The following CCDC170 variants were observed in gnomAD, a reference collection of about 807,000 sequenced individuals.
CCDC170 encodes the protein coiled-coil domain-containing protein 170.
CCDC170 carries 69 observed loss-of-function variants against 72.6 expected under a neutral mutation model. The observed-to-expected ratio is 0.95, with a 90% CI of 0.78 to 1.16. The LOEUF is 1.16. CCDC170 is among the 50% of genes most tolerant of loss of function. The probability of loss-of-function intolerance (pLI) is 0.00; values close to 1 mark genes in which losing one functional copy is unlikely to be tolerated. For synonymous variants in CCDC170, 300 were observed against 303.9 expected (o/e 0.99, Z 0.13); for missense variants, 852 against 832.5 (o/e 1.02, Z -0.29).
intron 1 of CCDC170, among the ~76,000 whole-genome samples, chr6:151,521,719 C>T (rs1054577267): frequency 1.3e-5 from 2 of 152,156 alleles, no homozygotes; most frequent in Non-Finnish European, 2.9e-5. Context: ...CGTGGTGGCT[C>T]ACGCCAGTAA....
chr6:151,513,558 C>T (rs1030900973), intron 1 of CCDC170, among the ~76,000 whole-genome samples: 9 of 145,548 alleles, frequency 6.2e-5, no homozygotes, highest in South Asian at 4.4e-4. Flanking sequence ...TGCAGTAAGC[C>T]GAGATCCCAC....
chr6:151,554,369 C>G (rs1052345500), intron 5 of CCDC170, among the ~76,000 whole-genome samples: 1 of 152,166 alleles, frequency 6.6e-6, no homozygotes, highest in Non-Finnish European at 1.5e-5. Context: ...GTCAGGCAGG[C>G]CTGGATTTGC....
At chr6:151,567,990 A>AG (rs35941630) in intron 5 of CCDC170, among the ~76,000 whole-genome samples, 140,333 of 151,526 alleles carry the variant, frequency 0.93, 65,191 homozygotes, top group East Asian at 1. Flanking sequence ...ACGCACCTGT[A>AG]CCCCAGCTAC....
chr6:151,567,352 T>C (rs779905026), intron 5 of CCDC170, among the ~76,000 whole-genome samples: 2 of 152,214 alleles, frequency 1.3e-5, no homozygotes, highest in Non-Finnish European at 2.9e-5. Context: ...TGTATTCAAA[T>C]TAAACAATTG....
chr6:151,526,780 G>A (rs1301410651), intron 1 of CCDC170, among the ~76,000 whole-genome samples: 1 of 152,118 alleles, frequency 6.6e-6, no homozygotes, highest in Non-Finnish European at 1.5e-5. Context: ...AAGAGTGAAA[G>A]TTTTTCTAAG....
intron 5 of CCDC170, among the ~76,000 whole-genome samples, chr6:151,561,074 T>A (rs897044561): frequency 1.4e-4 from 22 of 152,170 alleles, no homozygotes; most frequent in Admixed American, 2.6e-4. Context: ...AATTTTTTTT[T>A]AAAATTGTGT....
Position 151,559,829 on chromosome 6 carries a change from GTTC to G in CCDC170, c.774+11346_774+11348del, listed in dbSNP as rs1176666079. ...TGTCATTTCTGATTGTGCTTCTTTGGTTCTTCTTTTTTTCTTAGTTAACTTGGC... is the reference window on the plus strand; with the variant it reads ...TGTCATTTCTGATTGTGCTTCTTTGGTTCTTTTTTTCTTAGTTAACTTGGC... On this transcript the variant is annotated intron_variant, in intron 5 of 10. Transcript: ENST00000239374. Among the ~76,000 whole-genome samples, 5 of 152,150 alleles carry G rather than the reference GTTC, an allele frequency of 3.3e-5. No homozygotes were observed. The South Asian group carries it at 6.2e-4, about 19-fold the overall frequency.
At chr6:151,505,562 C>T (rs1257016884) in intron 1 of CCDC170, among the ~76,000 whole-genome samples, 1 of 151,918 alleles carries the variant, frequency 6.6e-6, no homozygotes, top group African/African-American at 2.4e-5. Flanking sequence ...CTGGTGCCTG[C>T]AGCCCCAGCT....
intron 7 of CCDC170, among the ~76,000 whole-genome samples, chr6:151,592,778 C>T (rs1358417482): frequency 6.6e-6 from 1 of 152,158 alleles, no homozygotes; most frequent in African/African-American, 2.4e-5. Context: ...ATGGTTGCAG[C>T]AACAAGTTGT....
chr6:151,529,624 T>A (rs1017093585), intron 1 of CCDC170, among the ~76,000 whole-genome samples: 3 of 152,138 alleles, frequency 2.0e-5, no homozygotes, highest in African/African-American at 7.2e-5. Flanking sequence ...GCCACTGCAC[T>A]CCACCCTGCT....
chr6:151,521,107 C>T (rs1383155976), intron 1 of CCDC170, among the ~76,000 whole-genome samples: 1 of 152,184 alleles, frequency 6.6e-6, no homozygotes, highest in Non-Finnish European at 1.5e-5. Context: ...TGAAGGTGTG[C>T]ATGCTGTTCA....
chr6:151,578,160 G>A (rs1334143492), intron 6 of CCDC170, among the ~76,000 whole-genome samples: 1 of 152,208 alleles, frequency 6.6e-6, no homozygotes, highest in East Asian at 1.9e-4. Flanking sequence ...GGCTACAGAG[G>A]CATCTGAGAG....
chr6:151,511,520 G>C (rs189534266), intron 1 of CCDC170, among the ~76,000 whole-genome samples: 28 of 152,228 alleles, frequency 1.8e-4, no homozygotes, highest in African/African-American at 6.7e-4. Flanking sequence ...TTATGTGCTA[G>C]GAAATGTGCT....
intron 5 of CCDC170, among the ~76,000 whole-genome samples, chr6:151,563,328 A>G (rs965524795): frequency 1.3e-5 from 2 of 152,162 alleles, no homozygotes; most frequent in African/African-American, 4.8e-5. Flanking sequence ...CGCTCTCTAC[A>G]TATCTTCCCT....
In CCDC170 at chr6:151,548,509, C is replaced by T. The variant is rs1782816055; in HGVS notation, c.774+20C>T. On this transcript the variant is annotated intron_variant, in intron 5 of 10. Transcript: ENST00000239374. ...AACCAGGTATGATATGTGAAGTATA[C>T]GTGTGCATCTGGGACCATGTTGAAG... The T allele has an allele frequency of 4.6e-6, 7 of 1,507,334 alleles. No individual in the cohort carries two copies. The highest frequency in any genetic ancestry group is 1.8e-4 in the Middle Eastern group (1 of 5,602). 93.4% of individuals were successfully genotyped at this position (1,507,334 alleles called of 1,614,324 possible). A position where few individuals can be genotyped will look rare whatever the true frequency, so the allele number is the denominator to read the frequency against.
At chr6:151,568,700 A>G (rs1290244477) in intron 5 of CCDC170, among the ~76,000 whole-genome samples, 1 of 152,190 alleles carries the variant, frequency 6.6e-6, no homozygotes, top group African/African-American at 2.4e-5. Context: ...ATGCACTATT[A>G]AACACCTTAC....
rs767563082 is a variant in CCDC170, at chr6:151,500,840, G to T, written c.57+6655G>T. 7.6e-4 allele frequency among the ~76,000 whole-genome samples: 116 copies of T among 152,058 alleles called. 1 individual carries two copies. Among genetic ancestry groups the T allele is most frequent in the Non-Finnish European group, 2.2e-4 (15 of 67,976 alleles). The stretch of plus-strand genomic sequence containing the variant: ...AAATAGACAAATCCACAACTAAAGA[G>T]AATATTTTAAACATATCTCTTAGTA... On this transcript the variant is annotated intron_variant, in intron 1 of 10. Transcript: ENST00000239374.
intron 2 of CCDC170, 87 bp from the exon 3 acceptor site, chr6:151,537,958 T>G: frequency 7.5e-7 from 1 of 1,325,202 alleles, no homozygotes; most frequent in East Asian, 2.3e-5. Context: ...AGAGTGAACA[T>G]TTAAATGATG....
chr6:151,563,635 A>C (rs548616093), intron 5 of CCDC170, among the ~76,000 whole-genome samples: 1 of 152,106 alleles, frequency 6.6e-6, no homozygotes, highest in Non-Finnish European at 1.5e-5. Context: ...CCACAGTCTC[A>C]GCTCAGGTGT....
Sources: gnomAD v4.1 joint callset for allele counts (sites outside exome capture counted in the v4.1 genomes callset) on GRCh38, gnomAD v4.1.1 for gene constraint, MANE v1.5 for transcripts, NCBI Gene and HGNC (gene_info 2026-07-23, HGNC 2026-07-21) for gene names.